MLLT3: variants seen among roughly 807,000 people sequenced by gnomAD.
MLLT3 encodes the protein MLLT3 super elongation complex subunit, also known as protein AF-9.
A neutral mutation model predicts 53.2 loss-of-function variants in MLLT3; 4 were observed. That is an observed-to-expected ratio of 0.08 (90% CI 0.04 to 0.17). The LOEUF is 0.17. MLLT3 is among the 10% of genes least tolerant of loss of function. MLLT3 has a pLI of 1.00. For synonymous variants in MLLT3, 283 were observed against 230.6 expected (o/e 1.23, Z -2.06); for missense variants, 569 against 684.0 (o/e 0.83, Z 1.87).
chr9:20,396,204 T>C (rs1388383441), intron 5 of MLLT3, among the ~76,000 whole-genome samples: 1 of 151,930 alleles, frequency 6.6e-6, no homozygotes, highest in Non-Finnish European at 1.5e-5. Flanking sequence ...ATCTTGTGAG[T>C]AGCACTTTAA....
chr9:20,484,388 A>G (rs1157436638), intron 2 of MLLT3, among the ~76,000 whole-genome samples: 1 of 152,144 alleles, frequency 6.6e-6, no homozygotes, highest in Non-Finnish European at 1.5e-5. Flanking sequence ...TACCGTCATT[A>G]CTACACTGCT....
chr9:20,454,228 C>T (rs1367167159), intron 3 of MLLT3, among the ~76,000 whole-genome samples: 2 of 150,860 alleles, frequency 1.3e-5, no homozygotes, highest in African/African-American at 4.9e-5. Flanking sequence ...TTCAAGAAGA[C>T]TGAAGTGTGT....
intron 2 of MLLT3, among the ~76,000 whole-genome samples, chr9:20,617,549 A>C (rs570982097): frequency 7.2e-4 from 109 of 152,328 alleles, no homozygotes; most frequent in Admixed American, 6.5e-4. Context: ...ATCATACTAA[A>C]AACAAAAACA....
chr9:20,446,852 T>C (rs1823717734), intron 4 of MLLT3, among the ~76,000 whole-genome samples: 1 of 152,196 alleles, frequency 6.6e-6, no homozygotes, highest in South Asian at 2.1e-4. Context: ...ATAAATACAT[T>C]TCTTCATGAA....
intron 4 of MLLT3, among the ~76,000 whole-genome samples, chr9:20,436,399 A>G (rs1277719090): frequency 1.3e-5 from 2 of 152,208 alleles, no homozygotes; most frequent in African/African-American, 4.8e-5. Context: ...AGCAAGAGAA[A>G]TACAGGAAAC....
intron 2 of MLLT3, among the ~76,000 whole-genome samples, chr9:20,591,912 T>A (rs529915346): frequency 9.3e-4 from 142 of 152,288 alleles, no homozygotes; most frequent in African/African-American, 3.2e-3. Context: ...TTGTAGCTAG[T>A]CACTCAGGAG....
At chr9:20,612,790 A>C (rs1820733468) in intron 2 of MLLT3, among the ~76,000 whole-genome samples, 3 of 152,226 alleles carry the variant, frequency 2.0e-5, no homozygotes, top group Admixed American at 1.3e-4. Flanking sequence ...ATATTAAAAT[A>C]GCCAAAATTG....
intron 5 of MLLT3, among the ~76,000 whole-genome samples, chr9:20,404,147 G>GTTTA (rs1822524184): frequency 6.6e-6 from 1 of 152,098 alleles, no homozygotes; most frequent in Non-Finnish European, 1.5e-5. Flanking sequence ...AAACTAAGGT[G>GTTTA]GACTTTGAGA....
intron 9 of MLLT3, among the ~76,000 whole-genome samples, chr9:20,354,603 T>G (rs1392492693): frequency 1.3e-5 from 2 of 152,206 alleles, no homozygotes; most frequent in Non-Finnish European, 2.9e-5. Flanking sequence ...AATGACAGCA[T>G]AAGGCCAAGC....
intron 2 of MLLT3, among the ~76,000 whole-genome samples, chr9:20,482,877 T>C (rs1824700068): frequency 1.3e-5 from 2 of 152,192 alleles, no homozygotes; most frequent in South Asian, 4.1e-4. Context: ...ACATAAATCA[T>C]GAGTTTAACA....
At chr9:20,608,708 T>C (rs1820629598) in intron 2 of MLLT3, among the ~76,000 whole-genome samples, 1 of 151,990 alleles carries the variant, frequency 6.6e-6, no homozygotes, top group African/African-American at 2.4e-5. Flanking sequence ...ACAGTCTTAA[T>C]CATGTTCCAA....
At chr9:20,437,151 T>C (rs767998184) in intron 4 of MLLT3, among the ~76,000 whole-genome samples, 2 of 152,142 alleles carry the variant, frequency 1.3e-5, no homozygotes, top group African/African-American at 2.4e-5. Context: ...TGCAGAAAAT[T>C]GAGCAGTGAG....
intron 2 of MLLT3, among the ~76,000 whole-genome samples, chr9:20,594,995 T>C (rs535426930): frequency 6.6e-6 from 1 of 152,102 alleles, no homozygotes; most frequent in African/African-American, 2.4e-5. Context: ...GCTCTGCCTA[T>C]GGAGTAGCCA....
At chr9:20,552,460 G>A (rs1022409194) in intron 2 of MLLT3, among the ~76,000 whole-genome samples, 3 of 152,000 alleles carry the variant, frequency 2.0e-5, no homozygotes, top group African/African-American at 4.8e-5. Flanking sequence ...CATCACATGC[G>A]GCACCACTAG....
chr9:20,498,557 T>C (rs1825139940), intron 2 of MLLT3, among the ~76,000 whole-genome samples: 1 of 152,200 alleles, frequency 6.6e-6, no homozygotes, highest in Non-Finnish European at 1.5e-5. Context: ...ACAGGCCACA[T>C]GCAGCCCAAG....
intron 2 of MLLT3, among the ~76,000 whole-genome samples, chr9:20,531,026 T>C (rs1818318551): frequency 6.6e-6 from 1 of 152,054 alleles, no homozygotes; most frequent in Admixed American, 6.6e-5. Context: ...AAGATACTTC[T>C]AGTTTTTTTC....
At chr9:20,474,882 G>C (rs1824482847) in intron 2 of MLLT3, among the ~76,000 whole-genome samples, 1 of 152,038 alleles carries the variant, frequency 6.6e-6, no homozygotes, top group South Asian at 2.1e-4. Context: ...TAGCTAACAG[G>C]TAAAAGGGAG....
chr9:20,601,423 T>C (rs896273875), intron 2 of MLLT3, among the ~76,000 whole-genome samples: 4 of 152,214 alleles, frequency 2.6e-5, no homozygotes, highest in African/African-American at 7.2e-5. Flanking sequence ...AACTTTTATA[T>C]GGAAAAATAC....
intron 2 of MLLT3, among the ~76,000 whole-genome samples, chr9:20,485,728 A>G (rs896239331): frequency 8.1e-6 from 1 of 122,938 alleles, no homozygotes; most frequent in Non-Finnish European, 1.7e-5. Context: ...AAGAATATAC[A>G]CATACACATA....
Sources: gnomAD v4.1 joint callset for allele counts (sites outside exome capture counted in the v4.1 genomes callset) on GRCh38, gnomAD v4.1.1 for gene constraint, MANE v1.5 for transcripts, NCBI Gene and HGNC (gene_info 2026-07-23, HGNC 2026-07-21) for gene names.